Variants in LSAMP observed in about 807,000 individuals in gnomAD.
LSAMP encodes the protein limbic system associated membrane protein, also known as limbic system-associated membrane protein.
Under a neutral mutation model 38.6 loss-of-function variants are expected in LSAMP, and 7 were observed. The ratio of observed to expected loss-of-function variants is 0.18; its 90% CI spans 0.10 to 0.34. LSAMP has a LOEUF of 0.34. Among genes scored for constraint, LSAMP ranks in the 10% least tolerant of loss-of-function variants. The pLI is 1.00. For missense variants in LSAMP, 313 were observed against 420.0 expected (o/e 0.75, Z 2.23); for synonymous variants, 154 against 166.8 (o/e 0.92, Z 0.59).
At chr3:116,176,817 A>T (rs1222779427) in intron 1 of LSAMP, among the ~76,000 whole-genome samples, 1 of 152,176 alleles carries the variant, frequency 6.6e-6, no homozygotes, top group Non-Finnish European at 1.5e-5. Context: ...TACATAAGTG[A>T]CTTTCAAATG....
At chr3:116,055,938 G>T (rs1208306634) in intron 2 of LSAMP, among the ~76,000 whole-genome samples, 1 of 151,366 alleles carries the variant, frequency 6.6e-6, no homozygotes, top group East Asian at 1.9e-4. Context: ...TTATAACTAA[G>T]CAAAAGATGG....
chr3:115,911,886 G>C (rs985719963), intron 3 of LSAMP, among the ~76,000 whole-genome samples: 5 of 152,204 alleles, frequency 3.3e-5, no homozygotes, highest in Non-Finnish European at 7.3e-5. Context: ...TGATAAGTGT[G>C]TGGTGATCTC....
intron 1 of LSAMP, among the ~76,000 whole-genome samples, chr3:116,237,571 A>G (rs903040272): frequency 3.3e-5 from 5 of 152,212 alleles, no homozygotes; most frequent in African/African-American, 1.2e-4. Flanking sequence ...CTGTTATTAC[A>G]AGGTATCTAG....
intron 3 of LSAMP, among the ~76,000 whole-genome samples, chr3:115,951,845 C>CATAT (rs139707614): frequency 4.4e-4 from 66 of 149,780 alleles, no homozygotes; most frequent in Non-Finnish European, 5.6e-4. Flanking sequence ...TTAATAAAGT[C>CATAT]ATATATATAT....
At chr3:115,893,774 A>AT (rs1201676535) in intron 3 of LSAMP, among the ~76,000 whole-genome samples, 3 of 152,006 alleles carry the variant, frequency 2.0e-5, no homozygotes, top group Non-Finnish European at 4.4e-5. Context: ...TTTAACTTCT[A>AT]TTTTTACTCT....
At chr3:116,320,794 A>G (rs1422218302) in intron 1 of LSAMP, among the ~76,000 whole-genome samples, 10 of 152,136 alleles carry the variant, frequency 6.6e-5, no homozygotes, top group Admixed American at 5.9e-4. Flanking sequence ...TGACCGGCAC[A>G]TCATAAGCAA....
chr3:116,198,780 A>AAAAAAAAAAAG (rs1413584973), intron 1 of LSAMP, among the ~76,000 whole-genome samples: 3 of 147,474 alleles, frequency 2.0e-5, no homozygotes, highest in African/African-American at 7.5e-5. Flanking sequence ...CAGAAAAAAA[A>AAAAAAAAAAAG]AGAAAATCAG....
chr3:116,274,050 C>T (rs1000849796), intron 1 of LSAMP, among the ~76,000 whole-genome samples: 2 of 145,742 alleles, frequency 1.4e-5, no homozygotes, highest in South Asian at 2.2e-4. Context: ...GTTACCTCTT[C>T]ATTATAAATT....
At chr3:116,052,056 G>A (rs912589987) in intron 2 of LSAMP, among the ~76,000 whole-genome samples, 1 of 152,194 alleles carries the variant, frequency 6.6e-6, no homozygotes, top group Non-Finnish European at 1.5e-5. Flanking sequence ...GTAGGGAGAA[G>A]AGCCATGACC....
At chr3:116,173,475 C>A (rs191271114) in intron 1 of LSAMP, among the ~76,000 whole-genome samples, 1 of 151,132 alleles carries the variant, frequency 6.6e-6, no homozygotes, top group African/African-American at 2.4e-5. Context: ...GGCAAATGCC[C>A]ACTAATAATT....
At chr3:115,875,877 T>C (rs1283412006) in intron 3 of LSAMP, among the ~76,000 whole-genome samples, 2 of 152,136 alleles carry the variant, frequency 1.3e-5, no homozygotes. Flanking sequence ...TACAACAATA[T>C]TTTTCTACTG....
At chr3:116,031,169 G>A (rs1218810446) in intron 2 of LSAMP, among the ~76,000 whole-genome samples, 1 of 152,020 alleles carries the variant, frequency 6.6e-6, no homozygotes, top group East Asian at 1.9e-4. Context: ...TAAGTGAATA[G>A]AAAATAGAAG....
chr3:116,225,069 T>A lies in LSAMP; in HGVS notation c.156-138513A>T, dbSNP rs562573285. Among the ~76,000 whole-genome samples the A allele has an allele frequency of 9.9e-5, 15 of 152,254 alleles. No individual in the cohort carries two copies. The South Asian group carries it at 2.5e-3, about 25-fold the overall frequency. On this transcript the variant is annotated intron_variant, in intron 1 of 6. Coordinates refer to ENST00000490035, the MANE Select transcript of LSAMP (RefSeq NM_002338.5). ...TGTAAAGCAGATATGAAGGGACATT[T>A]GAGGGAAATTTGAATATGGACAATG...
At chr3:116,119,286 C>A (rs998372762) in intron 1 of LSAMP, among the ~76,000 whole-genome samples, 9 of 151,554 alleles carry the variant, frequency 5.9e-5, no homozygotes, top group Non-Finnish European at 1.3e-4. Flanking sequence ...CCAGTGGCAA[C>A]TAGATTCTGT....
At chr3:116,393,211 G>C (rs966725982) in intron 1 of LSAMP, among the ~76,000 whole-genome samples, 3 of 152,120 alleles carry the variant, frequency 2.0e-5, no homozygotes, top group Non-Finnish European at 4.4e-5. Flanking sequence ...GGAGAGAAGA[G>C]CTGCAGCCCT....
chr3:116,438,577 A>C (rs896317832), intron 1 of LSAMP, among the ~76,000 whole-genome samples: 1 of 152,242 alleles, frequency 6.6e-6, no homozygotes, highest in Admixed American at 6.5e-5. Flanking sequence ...ATTATTTAGC[A>C]AATCACATGT....
intron 3 of LSAMP, among the ~76,000 whole-genome samples, chr3:115,976,921 C>A (rs1939205857): frequency 6.6e-6 from 1 of 152,114 alleles, no homozygotes; most frequent in South Asian, 2.1e-4. Flanking sequence ...ACTACCTACT[C>A]TCAGGTAGTT....
chr3:115,894,353 A>C (rs1936676629), intron 3 of LSAMP, among the ~76,000 whole-genome samples: 1 of 152,020 alleles, frequency 6.6e-6, no homozygotes, highest in Admixed American at 6.6e-5. Flanking sequence ...CCTAAAGGGC[A>C]AAGGGAAATA....
At chr3:116,127,974 A>C (rs1709045335) in intron 1 of LSAMP, among the ~76,000 whole-genome samples, 1 of 152,098 alleles carries the variant, frequency 6.6e-6, no homozygotes, top group African/African-American at 2.4e-5. Flanking sequence ...TTCAAGTCTT[A>C]GTTTTGCCTT....
Sources: allele counts gnomAD v4.1 joint callset (sites outside exome capture counted in the v4.1 genomes callset), GRCh38; gene constraint gnomAD v4.1.1; transcripts MANE v1.5; gene names NCBI Gene and HGNC (gene_info 2026-07-23, HGNC 2026-07-21).